CYSLTR2: variants seen among roughly 807,000 people sequenced by gnomAD.
CYSLTR2 encodes cysteinyl leukotriene receptor 2.
For synonymous variants in CYSLTR2, 179 were observed against 160.8 expected (o/e 1.11, Z -0.86); for missense variants, 398 against 411.9 (o/e 0.97, Z 0.29).
At chr13:48,698,748 C>G (rs1326976338) in intron 4 of CYSLTR2, among the ~76,000 whole-genome samples, 1 of 152,114 alleles carries the variant, frequency 6.6e-6, no homozygotes, top group African/African-American at 2.4e-5. Context: ...AGAGTCAAGA[C>G]CCATCAGCGT....
At chr13:48,695,155 G>A (rs1481312987) in intron 3 of CYSLTR2, among the ~76,000 whole-genome samples, 1 of 131,704 alleles carries the variant, frequency 7.6e-6, no homozygotes, top group African/African-American at 2.8e-5. Flanking sequence ...GTTCACTTCA[G>A]CCTTGATCTC....
Position 48,700,941 on chromosome 13 carries a change from A to C in CYSLTR2, c.-2+4315A>C, listed in dbSNP as rs534562220. Among the ~76,000 whole-genome samples, 4 of 152,170 alleles carry C rather than the reference A, an allele frequency of 2.6e-5. No homozygotes were observed. The East Asian group carries it at 5.8e-4, about 22-fold the overall frequency. On this transcript the variant is annotated intron_variant, in intron 4 of 4. Coordinates refer to ENST00000682523, the MANE Select transcript of CYSLTR2 (RefSeq NM_001308476.3). ...AGAGAATAAAATACCTAGGAATCCAACTTACAAGGGATGTGAAGGGCCTCT... is the reference window on the plus strand; with the variant it reads ...AGAGAATAAAATACCTAGGAATCCACCTTACAAGGGATGTGAAGGGCCTCT...
At chr13:48,668,677 A>T (rs2138841004) in intron 1 of CYSLTR2, among the ~76,000 whole-genome samples, 1 of 152,128 alleles carries the variant, frequency 6.6e-6, no homozygotes. Context: ...ATACATAGGT[A>T]TATATGTGCC....
At chr13:48,658,125 C>G (rs1953043431) in intron 1 of CYSLTR2, among the ~76,000 whole-genome samples, 2 of 152,100 alleles carry the variant, frequency 1.3e-5, no homozygotes, top group Admixed American at 1.3e-4. Context: ...CTATTGGGAA[C>G]TTGTTGGCAC....
chr13:48,659,049 C>A (rs558343401), intron 1 of CYSLTR2, among the ~76,000 whole-genome samples: 1 of 152,118 alleles, frequency 6.6e-6, no homozygotes, highest in Admixed American at 6.5e-5. Context: ...CGGTCTTGAG[C>A]TGACCACTGA....
chr13:48,656,791 A>C (rs1953008537), intron 1 of CYSLTR2, among the ~76,000 whole-genome samples: 2 of 152,336 alleles, frequency 1.3e-5, no homozygotes, highest in South Asian at 4.1e-4. Flanking sequence ...TAAGCCTTTA[A>C]GATAAAAGCC....
At position 48,707,702 on chromosome 13, in the gene CYSLTR2, A is replaced by G; in HGVS notation, c.885A>G (p.Ala295=). The G allele has an allele frequency of 1.2e-6, 2 of 1,613,670 alleles. No homozygotes were observed. Among genetic ancestry groups the G allele is most frequent in the Non-Finnish European group, 1.7e-6 (2 of 1,179,582 alleles). The change falls in exon 5 of 5, where the codon GCA becomes GCG. Residue 295 remains alanine, a synonymous_variant. Coordinates refer to ENST00000682523, the MANE Select transcript of CYSLTR2 (RefSeq NM_001308476.3). The stretch of plus-strand genomic sequence containing the variant: ...TGGTTATCACACTGGCCTTGGCAGC[A>G]GCCAATGCCTGCTTCAATCCTCTGC... ...KALVITLALA[A]ANACFNPLLY... is the part of the protein sequence containing the mutation.
chr13:48,702,418 A>G (rs1165312982), intron 4 of CYSLTR2, among the ~76,000 whole-genome samples: 2 of 152,176 alleles, frequency 1.3e-5, no homozygotes, highest in Non-Finnish European at 1.5e-5. Flanking sequence ...TAATAATAAT[A>G]ATAAAAACTT....
chr13:48,677,933 A>C (rs1162128333), intron 1 of CYSLTR2, among the ~76,000 whole-genome samples: 1 of 150,236 alleles, frequency 6.7e-6, no homozygotes, highest in Non-Finnish European at 1.5e-5. Context: ...CAGTGGCGCA[A>C]TCTTGGCTCA....
At position 48,709,086 on chromosome 13, in the gene CYSLTR2, C is replaced by G. The variant is rs1954576454; in HGVS notation, c.*1228C>G. 1 of 167,064 alleles carries G rather than the reference C, an allele frequency of 6.0e-6. No individual in the cohort carries two copies. The highest frequency in any genetic ancestry group is 1.5e-5 in the Non-Finnish European group (1 of 68,118). 10.3% of individuals were successfully genotyped at this position (167,064 alleles called of 1,614,324 possible). On this transcript the variant is annotated 3_prime_UTR_variant, in exon 5 of 5. Transcript: ENST00000682523. Reference sequence around the variant, plus strand: ...ATTGAAGCTTAGAGAAATTAAGAAGCTTGTTTAAGTTTACACAGCTAGTAA... The same window carrying G: ...ATTGAAGCTTAGAGAAATTAAGAAGGTTGTTTAAGTTTACACAGCTAGTAA...
chr13:48,689,879 A>G (rs905115514), intron 1 of CYSLTR2, among the ~76,000 whole-genome samples: 1 of 152,074 alleles, frequency 6.6e-6, no homozygotes, highest in African/African-American at 2.4e-5. Context: ...GATTCTTCCT[A>G]TCCATGAGCA....
rs1954113222 is a variant in CYSLTR2, at chr13:48,694,381, C to T, written c.-103+871C>T. Reference sequence around the variant, plus strand: ...CCTTATGGACTTTTCCTTGTATAGACAAACAACACTTAGGACAATAGACAG... The same window carrying T: ...CCTTATGGACTTTTCCTTGTATAGATAAACAACACTTAGGACAATAGACAG... On this transcript the variant is annotated intron_variant, in intron 3 of 4. Transcript: ENST00000682523. 1.3e-5 allele frequency among the ~76,000 whole-genome samples: 2 copies of T among 152,106 alleles called. 1 individual carries two copies. Among genetic ancestry groups the T allele is most frequent in the African/African-American group, 4.8e-5 (2 of 41,412 alleles).
chr13:48,675,744 A>C (rs1208240748), intron 1 of CYSLTR2, among the ~76,000 whole-genome samples: 1 of 152,088 alleles, frequency 6.6e-6, no homozygotes, highest in Non-Finnish European at 1.5e-5. Context: ...ACAGCAGCCA[A>C]GTTTTGTGGT....
intron 1 of CYSLTR2, among the ~76,000 whole-genome samples, chr13:48,681,660 C>T (rs544533477): frequency 1.3e-5 from 2 of 152,046 alleles, no homozygotes; most frequent in African/African-American, 4.8e-5. Context: ...GATTTCATGC[C>T]CTACCTTTGA....
intron 1 of CYSLTR2, among the ~76,000 whole-genome samples, chr13:48,665,371 T>C (rs181418228): frequency 1.3e-5 from 2 of 152,224 alleles, no homozygotes; most frequent in African/African-American, 4.8e-5. Context: ...GTTTCTTTGT[T>C]GATTTCCTGA....
rs776586024 is a variant in CYSLTR2, at chr13:48,707,633, G to A, written c.816G>A (p.Thr272=). The A allele has an allele frequency of 4.3e-6, 7 of 1,613,626 alleles. No individual in the cohort carries two copies. The highest frequency in any genetic ancestry group is 2.2e-5 in the South Asian group (2 of 91,080). Residue 272 remains threonine, a synonymous_variant, in exon 5 of 5, where the codon ACG becomes ACA. Coordinates refer to ENST00000682523, the MANE Select transcript of CYSLTR2 (RefSeq NM_001308476.3). ...ACACACTGAGGACCGTCCACTTGAC[G>A]ACATGGAAAGTGGGTTTATGCAAAG... ...PYHTLRTVHL[T]TWKVGLCKDR...
intron 1 of CYSLTR2, among the ~76,000 whole-genome samples, chr13:48,677,232 G>T (rs1422756410): frequency 1.3e-5 from 2 of 152,174 alleles, no homozygotes; most frequent in East Asian, 3.9e-4. Flanking sequence ...GAGCAGGAAT[G>T]AATGATCTTA....
chr13:48,697,135 C>T (rs1007049275), intron 4 of CYSLTR2, among the ~76,000 whole-genome samples: 17 of 152,176 alleles, frequency 1.1e-4, no homozygotes, highest in Non-Finnish European at 2.9e-5. Flanking sequence ...CTTAAACGTC[C>T]CTGTCTGACA....
Position 48,706,948 on chromosome 13 carries a change from T to A in CYSLTR2, c.131T>A (p.Val44Glu), listed in dbSNP as rs199810059. ...TTCAAGAGAGAATTTTTCCCAATTG[T>A]ATATCTGATAATATTTTTCTGGGGA... is the stretch of plus-strand genomic sequence containing the variant. ...ENFKREFFPI[V>E]YLIIFFWGVL... Residue 44 changes from valine (V) to glutamate (E), a missense_variant, in exon 5 of 5, where the codon GTA becomes GAA. Physicochemically the swap from Val to Glu is moderately radical, Grantham distance 121 (BLOSUM62 -2). Coordinates refer to ENST00000682523, the MANE Select transcript of CYSLTR2 (RefSeq NM_001308476.3). 1 of 1,614,122 alleles carries A rather than the reference T, an allele frequency of 6.2e-7. No homozygotes were observed. Among genetic ancestry groups the A allele is most frequent in the Non-Finnish European group, 8.5e-7 (1 of 1,180,038 alleles).
Sources: gnomAD v4.1 joint callset for allele counts (sites outside exome capture counted in the v4.1 genomes callset) on GRCh38, gnomAD v4.1.1 for gene constraint, MANE v1.5 for transcripts, NCBI Gene and HGNC (gene_info 2026-07-23, HGNC 2026-07-21) for gene names.